Variants in ADAP1 observed in about 807,000 individuals in gnomAD.
The protein encoded by ADAP1 is arf-GAP with dual PH domain-containing protein 1.
In ADAP1, 31 loss-of-function variants were observed where a neutral mutation model predicts 54.9. That is an observed-to-expected ratio of 0.56 (90% confidence interval 0.42 to 0.76). ADAP1 has a LOEUF of 0.76. Ranked by LOEUF, ADAP1 falls within the 30% of genes least tolerant of loss-of-function variation. The pLI is 0.00. For missense variants in ADAP1, 535 were observed against 512.4 expected, an observed-to-expected ratio of 1.04 and a Z score of -0.42; for synonymous variants, 313 against 202.6, an observed-to-expected ratio of 1.55 and a Z score of -4.63.
At chr7:907,837 G>A (rs1033636929) in intron 4 of ADAP1, among the ~76,000 whole-genome samples, 18 of 152,156 alleles carry the variant, frequency 1.2e-4, no homozygotes, top group Admixed American at 8.5e-4. Flanking sequence ...ACTCTCCTGG[G>A]ATCACGGGGC....
intron 3 of ADAP1, among the ~76,000 whole-genome samples, chr7:922,538 C>T (rs1256691183): frequency 1.3e-5 from 2 of 152,184 alleles, no homozygotes; most frequent in Non-Finnish European, 2.9e-5. Flanking sequence ...CCAGTGGCCA[C>T]TGTGACCCCC....
chr7:952,976 G>A (rs796319181), intron 1 of ADAP1, among the ~76,000 whole-genome samples: 1 of 152,154 alleles, frequency 6.6e-6, no homozygotes, highest in South Asian at 2.1e-4. Flanking sequence ...GGCCCAGAGG[G>A]TGGCTGGAGA....
At chr7:900,489 C>CCCCCCCCCT in intron 7 of ADAP1, 44 bp downstream of exon 7, 1 of 1,395,554 alleles carries the variant, frequency 7.2e-7, no homozygotes. Flanking sequence ...CCCCACCCCA[C>CCCCCCCCCT]CACCCCTGTC....
Position 898,919 on chromosome 7 carries a change from C to T in ADAP1, c.*2G>A, listed in dbSNP as rs143637089. On this transcript the variant is annotated 3_prime_UTR_variant, in exon 11 of 11. Coordinates refer to ENST00000265846, the MANE Select transcript of ADAP1 (RefSeq NM_006869.4). ...ATGTCCGTGGTCCTCCAGCCGCACT[C>T]GCTAAGGTTTATGCTTGAAGTGCGC... is the stretch of plus-strand genomic sequence containing the variant. 409 of 1,603,748 alleles carry T rather than the reference C, an allele frequency of 2.6e-4. No homozygotes were observed. The highest frequency in any genetic ancestry group is 1.3e-3 in the African/African-American group (98 of 74,770).
At chr7:906,753 C>T (rs1845451626) in intron 4 of ADAP1, among the ~76,000 whole-genome samples, 2 of 18,588 alleles carry the variant, frequency 1.1e-4, no homozygotes, top group African/African-American at 4.0e-4. Flanking sequence ...ACATAGGGGA[C>T]ATGGACAGGG....
intron 2 of ADAP1, among the ~76,000 whole-genome samples, chr7:929,458 A>T (rs1392902841): frequency 6.7e-6 from 1 of 148,604 alleles, no homozygotes; most frequent in African/African-American, 2.5e-5. Context: ...AGGTGGGAGG[A>T]TCGCTTGAGC....
At chr7:937,932 A>G (rs932229768) in intron 1 of ADAP1, among the ~76,000 whole-genome samples, 2 of 152,292 alleles carry the variant, frequency 1.3e-5, no homozygotes, top group Non-Finnish European at 2.9e-5. Flanking sequence ...CTCAGTCCGG[A>G]GCAGGTCTCC....
At position 904,280 on chromosome 7, in the gene ADAP1, G is replaced by T. The variant is rs200767756; in HGVS notation, c.502-8C>A. ...GGCCTTGGGCTCCTTGGCCTGAGAA[G>T]GGGTGGGGTCTAAGCACCTCACAGG... On this transcript the variant is annotated splice_region_variant and splice_polypyrimidine_tract_variant and intron_variant, in intron 5 of 10. Coordinates refer to ENST00000265846, the MANE Select transcript of ADAP1 (RefSeq NM_006869.4). 10 of 1,582,790 alleles carry T rather than the reference G, an allele frequency of 6.3e-6. No individual in the cohort carries two copies. The Admixed American group carries it at 1.7e-4, about 27-fold the overall frequency.
chr7:914,592 T>C (rs553558765), intron 4 of ADAP1, among the ~76,000 whole-genome samples: 1 of 152,232 alleles, frequency 6.6e-6, no homozygotes, highest in East Asian at 1.9e-4. Context: ...GGGGGGTCCC[T>C]GAGGTCTAAC....
intron 4 of ADAP1, among the ~76,000 whole-genome samples, chr7:907,892 CGGGGCCGTCTGCCGA>C (rs1250627843): frequency 1.3e-5 from 2 of 151,692 alleles, no homozygotes; most frequent in South Asian, 2.1e-4. Context: ...CCGGAGGTCG[CGGGGCCGTCTGCCGA>C]GGAGCCGTCT....
At chr7:928,638 G>C (rs1376349731) in intron 2 of ADAP1, among the ~76,000 whole-genome samples, 1 of 152,218 alleles carries the variant, frequency 6.6e-6, no homozygotes, top group Admixed American at 6.5e-5. Flanking sequence ...TCAGGGGAAC[G>C]CAGATGAAAA....
At chr7:951,726 C>T (rs1847276454) in intron 1 of ADAP1, among the ~76,000 whole-genome samples, 1 of 152,168 alleles carries the variant, frequency 6.6e-6, no homozygotes, top group South Asian at 2.1e-4. Context: ...CAGAGCGAGA[C>T]CTTAAAATAA....
intron 1 of ADAP1, among the ~76,000 whole-genome samples, chr7:947,109 G>C (rs1263431457): frequency 6.6e-6 from 1 of 151,792 alleles, no homozygotes; most frequent in African/African-American, 2.4e-5. Context: ...GTGCGATCAT[G>C]GTTCACTGCA....
chr7:931,856 T>A (rs1370879727), intron 2 of ADAP1, among the ~76,000 whole-genome samples: 1 of 151,342 alleles, frequency 6.6e-6, no homozygotes, highest in African/African-American at 2.4e-5. Context: ...CTCGGTCCGG[T>A]CCTCAGCAAC....
intron 4 of ADAP1, 92 bp downstream of exon 4, chr7:919,876 G>C: frequency 1.6e-6 from 1 of 645,026 alleles, no homozygotes. Context: ...GGGAGGGAAA[G>C]AGATGGGGGA....
At chr7:904,817 G>C (rs1416963924) in intron 5 of ADAP1, among the ~76,000 whole-genome samples, 1 of 152,236 alleles carries the variant, frequency 6.6e-6, no homozygotes, top group Non-Finnish European at 1.5e-5. Flanking sequence ...CTGGGCCTGA[G>C]TTCAGGGGGC....
At chr7:904,028 C>T (rs1562909116) in intron 6 of ADAP1, 98 bp downstream of exon 6, 1 of 1,490,732 alleles carries the variant, frequency 6.7e-7, no homozygotes, top group Non-Finnish European at 9.0e-7. Flanking sequence ...CAAGTGCCTA[C>T]CCTCCCGTAC....
In ADAP1 at chr7:899,079, G is replaced by C. The variant is rs377158085; in HGVS notation, c.1050C>G (p.Ala350=). The C allele has an allele frequency of 3.5e-5, 56 of 1,608,082 alleles. No individual in the cohort carries two copies. Among genetic ancestry groups the C allele is most frequent in the Non-Finnish European group, 4.7e-5 (56 of 1,179,926 alleles). ...TGGGCCTGTCCACCGCCTTCTGGAA[G>C]GCCGCCACCCACTCCCTCTGGTCGG... ...TESDQREWVA[A]FQKAVDRPML... Residue 350 remains alanine, a synonymous_variant, in exon 10 of 11, where the codon GCC becomes GCG. Coordinates refer to ENST00000265846, the MANE Select transcript of ADAP1 (RefSeq NM_006869.4).
intron 4 of ADAP1, among the ~76,000 whole-genome samples, chr7:913,497 G>A (rs539478849): frequency 6.7e-4 from 102 of 152,120 alleles, no homozygotes; most frequent in African/African-American, 2.2e-3. Flanking sequence ...CACCGCGCCC[G>A]GTCCTCCCCT....
Sources: gnomAD v4.1 joint callset for allele counts (sites outside exome capture counted in the v4.1 genomes callset) on GRCh38, gnomAD v4.1.1 for gene constraint, MANE v1.5 for transcripts, NCBI Gene and HGNC (gene_info 2026-07-23, HGNC 2026-07-21) for gene names.